Variants in SLC9A3 observed in about 807,000 individuals in gnomAD.
SLC9A3 encodes solute carrier family 9 member A3.
In SLC9A3, 37 loss-of-function variants were observed where a neutral mutation model predicts 86.8. The ratio of observed to expected loss-of-function variants is 0.43; its 90% CI spans 0.33 to 0.56. The LOEUF is 0.56. Ranked by LOEUF, SLC9A3 falls within the 20% of genes least tolerant of loss-of-function variation. The pLI, the probability that SLC9A3 is intolerant of heterozygous loss-of-function variation, is 0.06. For synonymous variants in SLC9A3, 581 were observed against 528.3 expected (o/e 1.10, Z -1.37); for missense variants, 1,011 against 1,171.9 (o/e 0.86, Z 2.00).
In SLC9A3 at chr5:477,374, G is replaced by A. The variant is rs148343380; in HGVS notation, c.1718C>T (p.Thr573Met). Reference protein sequence around the residue: ...STDNVVNVDFTPRSSTVEASV... With the variant: ...STDNVVNVDFMPRSSTVEASV... ...GGCCTCCACGGTGGACGATCGTGGC[G>A]TGAAGTCCACGTTGACCACGTTGTC... is the stretch of plus-strand genomic sequence containing the variant. Residue 573 changes from threonine to methionine, a missense_variant, in exon 11 of 17, where the codon ACG becomes ATG. Physicochemically the swap from Thr to Met is moderately conservative, Grantham distance 81. Transcript: ENST00000264938. 6.2e-6 allele frequency: 10 copies of A among 1,612,836 alleles called. No individual in the cohort carries two copies. The highest frequency in any genetic ancestry group is 1.6e-4 in the Middle Eastern group (1 of 6,074).
intron 1 of SLC9A3, among the ~76,000 whole-genome samples, chr5:518,499 C>G (rs1178839157): frequency 6.6e-6 from 1 of 152,182 alleles, no homozygotes; most frequent in Non-Finnish European, 1.5e-5. Context: ...ACCCTGACAC[C>G]TGGTATCCTG....
chr5:474,302 C>A (rs111066552), intron 16 of SLC9A3, among the ~76,000 whole-genome samples: 4 of 4,260 alleles, frequency 9.4e-4, no homozygotes, highest in Non-Finnish European at 2.0e-3. Flanking sequence ...AGAGAGAGAG[C>A]GAGCCAGGTT....
At chr5:477,676 G>A in intron 10 of SLC9A3, 1 of 501,004 alleles carries the variant, frequency 2.0e-6, no homozygotes, top group Non-Finnish European at 3.5e-6. Context: ...TGCCTGAACT[G>A]GGCAGAGGTC....
intron 1 of SLC9A3, among the ~76,000 whole-genome samples, chr5:502,178 C>A (rs551350557): frequency 6.6e-6 from 1 of 152,246 alleles, no homozygotes; most frequent in African/African-American, 2.4e-5. Flanking sequence ...TGAGCAACCG[C>A]GCTGGGGCAA....
Position 496,975 on chromosome 5 carries a change from A to G in SLC9A3, c.212-4904T>C, listed in dbSNP as rs1246582752. 6.6e-6 allele frequency among the ~76,000 whole-genome samples: 1 copy of G among 152,096 alleles called. No individual in the cohort carries two copies. Among genetic ancestry groups the G allele is most frequent in the Non-Finnish European group, 1.5e-5 (1 of 68,018 alleles). ...GAGGCCGAGGTGGGAGGATCACCTG[A>G]GCCTGGGAGGTTGAGGCTGCAGTGA... On this transcript the variant is annotated intron_variant, in intron 1 of 16. Transcript: ENST00000264938. The surrounding 1 kb of genome is among the most constrained non-coding windows in gnomAD (Gnocchi z 4.7).
chr5:515,236 C>T (rs767965559), intron 1 of SLC9A3, among the ~76,000 whole-genome samples: 12 of 152,112 alleles, frequency 7.9e-5, no homozygotes, highest in East Asian at 5.8e-4. Flanking sequence ...GCAGCACAAA[C>T]GGCCAGGCCC....
chr5:519,570 G>A (rs1157913637), intron 1 of SLC9A3, among the ~76,000 whole-genome samples: 1 of 152,204 alleles, frequency 6.6e-6, no homozygotes, highest in Non-Finnish European at 1.5e-5. Flanking sequence ...CCCCAGTGGC[G>A]GAGGCTCCCT....
chr5:475,917 CCAGAGGGGAAGGTCCT>C, intron 14 of SLC9A3, 87 bp downstream of exon 14: 2 of 1,066,438 alleles, frequency 1.9e-6, no homozygotes, highest in Non-Finnish European at 2.7e-6. Context: ...TGGAGGGTCC[CCAGAGGGGAAGGTCCT>C]GAGAGGGGAG....
At position 491,914 on chromosome 5, in the gene SLC9A3, G is replaced by A. The variant is rs144657077; in HGVS notation, c.369C>T (p.Ile123=). 123 of 1,611,980 alleles carry A rather than the reference G, an allele frequency of 7.6e-5. No individual in the cohort carries two copies. The highest frequency in any genetic ancestry group is 2.4e-4 in the African/African-American group (18 of 74,870). ...TVFFFYLLPP[I]VLDAGYFMPN... is the part of the protein sequence containing the mutation. ...GCATGAAGTAGCCGGCGTCCAGCAC[G>A]ATGGGGGGCAGCAGGTAGAAGAAGA... Residue 123 remains isoleucine (I), a synonymous_variant, in exon 2 of 17, where the codon ATC becomes ATT. Transcript: ENST00000264938. The surrounding 1 kb of genome is among the most constrained non-coding windows in gnomAD (Gnocchi z 9.2).
chr5:521,666 C>A (rs1047052959), intron 1 of SLC9A3, among the ~76,000 whole-genome samples: 1 of 152,182 alleles, frequency 6.6e-6, no homozygotes, highest in Non-Finnish European at 1.5e-5. Flanking sequence ...AGACCCCAGT[C>A]CGGGGGCTGT....
intron 10 of SLC9A3, chr5:478,444 C>T (rs1738910838): frequency 1.6e-5 from 1 of 63,924 alleles, no homozygotes; most frequent in South Asian, 4.5e-4. Flanking sequence ...CCTGCCGAGC[C>T]CTGCCGTGGG....
rs6872510 is a variant in SLC9A3 at position 481,495 on chromosome 5, T to C, written c.1517+70A>G. On this transcript the variant is annotated intron_variant, in intron 9 of 16. Coordinates refer to ENST00000264938, the MANE Select transcript of SLC9A3 (RefSeq NM_004174.4). ...CAGTTGTTATGCATGTGGCTTCTGGTTCTTCCGAGTGGAGGATGTTTCCAG... is the reference window on the plus strand; with the variant it reads ...CAGTTGTTATGCATGTGGCTTCTGGCTCTTCCGAGTGGAGGATGTTTCCAG... The C allele has an allele frequency of 0.87, 1,144,685 of 1,316,490 alleles. 501,195 individuals carry two copies. Among genetic ancestry groups the C allele is most frequent in the African/African-American group, 0.93 (64,416 of 69,114 alleles). 81.6% of individuals were successfully genotyped at this position (1,316,490 alleles called of 1,614,324 possible).
At chr5:507,080 ATAAAT>A (rs1387146444) in intron 1 of SLC9A3, among the ~76,000 whole-genome samples, 7 of 30,832 alleles carry the variant, frequency 2.3e-4, no homozygotes, top group Non-Finnish European at 5.1e-4. Context: ...GTCTCAAAAA[ATAAAT>A]AAATAAATAA....
At chr5:512,497 T>C (rs181580119) in intron 1 of SLC9A3, among the ~76,000 whole-genome samples, 3 of 145,268 alleles carry the variant, frequency 2.1e-5, no homozygotes, top group Admixed American at 6.7e-5. Context: ...TAATATAAAC[T>C]GTGGACCTTA....
chr5:487,748 AC>A (rs1375211494), intron 3 of SLC9A3, among the ~76,000 whole-genome samples: 1 of 152,122 alleles, frequency 6.6e-6, no homozygotes, highest in Non-Finnish European at 1.5e-5. Context: ...GCTCATTGCA[AC>A]CTCTGCCTCC....
chr5:523,207 A>T (rs1733936091), intron 1 of SLC9A3, among the ~76,000 whole-genome samples: 1 of 152,172 alleles, frequency 6.6e-6, no homozygotes. Flanking sequence ...TGCTGGGCGT[A>T]CCAGGTTCCA....
chr5:504,483 C>T (rs887474045), intron 1 of SLC9A3, among the ~76,000 whole-genome samples: 2 of 152,216 alleles, frequency 1.3e-5, no homozygotes, highest in African/African-American at 4.8e-5. Flanking sequence ...TCCACAGCCT[C>T]CTCCAGTGTG....
At chr5:476,806 C>T (rs1037848543) in intron 11 of SLC9A3, 134 bp from the exon 12 acceptor site, 40 of 1,079,804 alleles carry the variant, frequency 3.7e-5, no homozygotes, top group African/African-American at 2.0e-4. Flanking sequence ...GGTGGGCACC[C>T]GGCTGGGGCA....
Position 491,602 on chromosome 5 carries a change from A to C in SLC9A3, c.514+167T>G, listed in dbSNP as rs114091136. ...GCTGGGACCTGGGGACGCGCAGGGG[A>C]CTGGCCTTGGTCACGAGGGCCTACG... On this transcript the variant is annotated intron_variant, in intron 2 of 16. Transcript: ENST00000264938. The surrounding 1 kb of genome is among the most constrained non-coding windows in gnomAD (Gnocchi z 9.2). 1.4e-3 allele frequency among the ~76,000 whole-genome samples: 213 copies of C among 152,110 alleles called. No homozygotes were observed. The highest frequency in any genetic ancestry group is 5.0e-3 in the African/African-American group (208 of 41,482).
Sources: allele counts gnomAD v4.1 joint callset (sites outside exome capture counted in the v4.1 genomes callset), GRCh38; gene constraint gnomAD v4.1.1; non-coding constraint Gnocchi (gnomAD v3.1); transcripts MANE v1.5; gene names NCBI Gene and HGNC (gene_info 2026-07-23, HGNC 2026-07-21).